The following FAM135B variants were observed in gnomAD, a reference collection of about 807,000 sequenced individuals.
FAM135B encodes protein FAM135B.
A neutral mutation model predicts 127.7 loss-of-function variants in FAM135B; 43 were observed. The observed-to-expected ratio is 0.34, with a 90% CI of 0.26 to 0.43. FAM135B has a LOEUF of 0.43. Ranked by LOEUF, FAM135B falls within the 20% of genes least tolerant of loss-of-function variation. The probability of loss-of-function intolerance (pLI) is 1.00; values close to 1 mark genes in which losing one functional copy is unlikely to be tolerated. For missense variants in FAM135B, 1,558 were observed against 1,725.6 expected, an observed-to-expected ratio of 0.90 and a Z score of 1.72; for synonymous variants, 670 against 665.1, an observed-to-expected ratio of 1.01 and a Z score of -0.11.
chr8:138,235,661 C>T (rs75890592), intron 7 of FAM135B, among the ~76,000 whole-genome samples: 13,865 of 152,104 alleles, frequency 0.091, 857 homozygotes, highest in Non-Finnish European at 0.11. Context: ...TTCCCCCTCC[C>T]CACCCTGCCC....
chr8:138,326,458 C>T (rs1258883088), intron 2 of FAM135B, among the ~76,000 whole-genome samples: 1 of 152,032 alleles, frequency 6.6e-6, no homozygotes, highest in Non-Finnish European at 1.5e-5. Context: ...GGCCTTCAAG[C>T]GACTTGCACA....
At chr8:138,486,117 T>A (rs1814974470) in intron 1 of FAM135B, among the ~76,000 whole-genome samples, 1 of 151,810 alleles carries the variant, frequency 6.6e-6, no homozygotes, top group African/African-American at 2.4e-5. Context: ...AAGGTACTGG[T>A]GTAGCTGGCA....
At chr8:138,441,243 G>A (rs570397498) in intron 1 of FAM135B, 1 of 152,220 alleles carries the variant, frequency 6.6e-6, no homozygotes, top group Non-Finnish European at 1.5e-5. Context: ...GCTCTGATGA[G>A]AGAACAAGTT....
intron 1 of FAM135B, among the ~76,000 whole-genome samples, chr8:138,434,470 G>T (rs1184877920): frequency 2.0e-5 from 3 of 152,142 alleles, no homozygotes; most frequent in Non-Finnish European, 2.9e-5. Flanking sequence ...GCTCATATAA[G>T]CAATTTATTG....
chr8:138,448,728 T>C (rs1836329677), intron 1 of FAM135B, among the ~76,000 whole-genome samples: 1 of 150,342 alleles, frequency 6.7e-6, no homozygotes. Flanking sequence ...TATTATGAAA[T>C]AGATTTCATA....
chr8:138,474,234 C>T (rs759303880), intron 1 of FAM135B, among the ~76,000 whole-genome samples: 3 of 152,030 alleles, frequency 2.0e-5, no homozygotes, highest in Admixed American at 6.6e-5. Context: ...GATGGATGAA[C>T]AAAAAGTAAG....
At chr8:138,158,573 A>G (rs2130835288) in intron 12 of FAM135B, among the ~76,000 whole-genome samples, 1 of 152,354 alleles carries the variant, frequency 6.6e-6, no homozygotes, top group South Asian at 2.1e-4. Context: ...AGAATCTACA[A>G]AGAACTTAAA....
At chr8:138,350,496 CAACACA>C (rs1829706242) in intron 2 of FAM135B, among the ~76,000 whole-genome samples, 1 of 142,270 alleles carries the variant, frequency 7.0e-6, no homozygotes, top group South Asian at 2.2e-4. Flanking sequence ...AGGTTTTCTA[CAACACA>C]CACACACACA....
intron 4 of FAM135B, among the ~76,000 whole-genome samples, chr8:138,258,496 C>T (rs1822282942): frequency 6.6e-6 from 1 of 152,178 alleles, no homozygotes; most frequent in Non-Finnish European, 1.5e-5. Context: ...AGCACTGCAG[C>T]CTCTTGTCAC....
chr8:138,173,538 C>A (rs1331859898), intron 11 of FAM135B, among the ~76,000 whole-genome samples: 2 of 152,118 alleles, frequency 1.3e-5, no homozygotes, highest in Non-Finnish European at 2.9e-5. Context: ...ATAGTACCTA[C>A]CTCATAGAGT....
intron 2 of FAM135B, among the ~76,000 whole-genome samples, chr8:138,332,285 T>C (rs1563906627): frequency 6.6e-6 from 1 of 152,176 alleles, no homozygotes; most frequent in Non-Finnish European, 1.5e-5. Context: ...TGATGATCTC[T>C]GCTTCCAGTT....
chr8:138,302,711 C>T (rs527344992), intron 3 of FAM135B, among the ~76,000 whole-genome samples: 1 of 152,348 alleles, frequency 6.6e-6, no homozygotes, highest in East Asian at 1.9e-4. Context: ...GGGGCCTCCC[C>T]CCTCCCAAGC....
At chr8:138,195,007 T>C (rs938728655) in intron 9 of FAM135B, among the ~76,000 whole-genome samples, 1 of 152,234 alleles carries the variant, frequency 6.6e-6, no homozygotes, top group African/African-American at 2.4e-5. Flanking sequence ...TACATATGTG[T>C]AGCCTAAGCT....
chr8:138,197,197 C>T (rs948501586), intron 8 of FAM135B, among the ~76,000 whole-genome samples: 12 of 151,808 alleles, frequency 7.9e-5, no homozygotes, highest in Admixed American at 7.2e-4. Context: ...TAAGAAAAGG[C>T]TATAAACCAG....
rs34987954 is a variant in FAM135B at position 138,195,633 on chromosome 8, TACACAC to T, written c.824-332_824-327del. ...CCACGTTTATTTCTGTTTTTGCAGG[TACACAC>T]ACACACACACACACACACAAACACA... On this transcript the variant is annotated intron_variant, in intron 8 of 19. Coordinates refer to ENST00000395297, the MANE Select transcript of FAM135B (RefSeq NM_015912.4). 3.0e-3 allele frequency among the ~76,000 whole-genome samples: 449 copies of T among 149,764 alleles called. 2 individuals carry two copies. Among genetic ancestry groups the T allele is most frequent in the African/African-American group, 9.6e-3 (392 of 40,914 alleles).
At chr8:138,324,118 A>C (rs1186420200) in intron 2 of FAM135B, among the ~76,000 whole-genome samples, 2 of 152,128 alleles carry the variant, frequency 1.3e-5, no homozygotes, top group African/African-American at 4.8e-5. Flanking sequence ...CCAACTATAA[A>C]CTAGTTGCAT....
rs200164132 is a variant in FAM135B at position 138,151,620 on chromosome 8, C to A, written c.2855G>T (p.Gly952Val). ...AADAINRNST[G>V]QQSQSGSPCI... ...AGGTGAACCGCTTTGGCTTTGCTGG[C>A]CTGTTGAGTTCCTGTTGATGGCATC... Residue 952 changes from glycine (G) to valine (V), a missense_variant, in exon 13 of 20, where the codon GGC (glycine) becomes GTC (valine). By Grantham distance (109) the Gly-to-Val change is moderately radical. This residue lies in a region of FAM135B where 923 missense variants were observed against 865.3 expected (regional missense o/e 1.07). Coordinates refer to ENST00000395297, the MANE Select transcript of FAM135B (RefSeq NM_015912.4). 1 of 1,614,152 alleles carries A rather than the reference C, an allele frequency of 6.2e-7. No homozygotes were observed.
In FAM135B at chr8:138,243,198, G is replaced by T. The variant is rs912739074; in HGVS notation, c.543-130C>A. ...TCATTTAGGAGTAGTTCACCCCCTA[G>T]GGAGTGTTTGCATGTGACATTTGTG... On this transcript the variant is annotated intron_variant, in intron 6 of 19. Coordinates refer to ENST00000395297, the MANE Select transcript of FAM135B (RefSeq NM_015912.4). The surrounding 1 kb of genome is among the most constrained non-coding windows in gnomAD (Gnocchi z 7.5). The T allele has an allele frequency of 3.2e-5, 34 of 1,053,488 alleles. 1 individual carries two copies. The South Asian group carries it at 6.2e-4, about 19-fold the overall frequency. The allele number at this position is 1,053,488 out of a possible 1,614,324, so 65.3% of individuals were successfully genotyped here.
At position 138,307,191 on chromosome 8, in the gene FAM135B, T is replaced by C. The variant is rs1049853520; in HGVS notation, c.157+3650A>G. ...GAGGCAAGTATTTCCCATGCTGTTA[T>C]TGTGATAGTGAATAGGTCTCATGAG... On this transcript the variant is annotated intron_variant, in intron 3 of 19. Transcript: ENST00000395297. Among the ~76,000 whole-genome samples, 7 of 152,174 alleles carry C rather than the reference T, an allele frequency of 4.6e-5. No homozygotes were observed. In the East Asian group the frequency reaches 1.2e-3, roughly 25 times the overall value.
Sources: gnomAD v4.1 joint callset for allele counts (sites outside exome capture counted in the v4.1 genomes callset) on GRCh38, gnomAD v4.1.1 for gene constraint, gnomAD v4.1.1 regional missense constraint, Gnocchi (gnomAD v3.1) non-coding constraint, MANE v1.5 for transcripts, NCBI Gene and HGNC (gene_info 2026-07-23, HGNC 2026-07-21) for gene names.